Variants in ALK observed in about 807,000 individuals in gnomAD.
ALK encodes the protein ALK receptor tyrosine kinase, also known as ALK tyrosine kinase receptor.
Under a neutral mutation model 163.1 loss-of-function variants are expected in ALK, and 74 were observed. The observed-to-expected ratio is 0.45, with a 90% CI of 0.38 to 0.55. The LOEUF (loss-of-function observed/expected upper bound fraction) is 0.55. Among genes scored for constraint, ALK ranks in the 20% least tolerant of loss-of-function variants. The probability of loss-of-function intolerance (pLI) is 0.00; values close to 1 mark genes in which losing one functional copy is unlikely to be tolerated. For missense variants in ALK, 2,063 were observed against 2,105.3 expected (o/e 0.98, Z 0.39); for synonymous variants, 960 against 843.2 (o/e 1.14, Z -2.40).
intron 25 of ALK, among the ~76,000 whole-genome samples, chr2:29,207,639 G>T (rs1241174667): frequency 6.6e-6 from 1 of 152,202 alleles, no homozygotes; most frequent in Admixed American, 6.5e-5. Flanking sequence ...CTGCAGTAAT[G>T]CAAGATCCAA....
At chr2:29,660,832 T>C (rs17008432) in intron 3 of ALK, among the ~76,000 whole-genome samples, 1 of 152,092 alleles carries the variant, frequency 6.6e-6, no homozygotes, top group East Asian at 1.9e-4. Flanking sequence ...AACTTATGTC[T>C]CTTCCTGAAT....
At chr2:29,366,952 T>G (rs1354637380) in intron 5 of ALK, among the ~76,000 whole-genome samples, 1 of 152,150 alleles carries the variant, frequency 6.6e-6, no homozygotes, top group Admixed American at 6.5e-5. Flanking sequence ...TTCCAATTGG[T>G]CAGTTCTTTC....
At chr2:29,637,576 G>A (rs1032199006) in intron 3 of ALK, among the ~76,000 whole-genome samples, 3 of 152,020 alleles carry the variant, frequency 2.0e-5, no homozygotes, top group African/African-American at 7.3e-5. Flanking sequence ...GGGCGTGGTG[G>A]TATAGGCCTG....
chr2:29,203,962 A>G (rs1168372811), intron 26 of ALK, among the ~76,000 whole-genome samples: 5 of 151,626 alleles, frequency 3.3e-5, no homozygotes, highest in Admixed American at 2.0e-4. Flanking sequence ...CTTTTGGTCT[A>G]CCCCTTAATT....
At chr2:29,740,373 A>G (rs1337651741) in intron 1 of ALK, among the ~76,000 whole-genome samples, 2 of 151,824 alleles carry the variant, frequency 1.3e-5, no homozygotes, top group African/African-American at 4.9e-5. Flanking sequence ...ATGGACAGTC[A>G]GACACTGAGA....
At chr2:29,303,594 G>A (rs531964096) in intron 8 of ALK, among the ~76,000 whole-genome samples, 5 of 152,282 alleles carry the variant, frequency 3.3e-5, no homozygotes, top group South Asian at 2.1e-4. Flanking sequence ...CATGTTTACC[G>A]CAGCACGATT....
intron 5 of ALK, among the ~76,000 whole-genome samples, chr2:29,353,593 G>C (rs1175380856): frequency 8.5e-5 from 13 of 152,152 alleles, no homozygotes; most frequent in African/African-American, 3.1e-4. Context: ...GCTAAAGCCT[G>C]CTCCTGTCTG....
At chr2:29,777,415 T>C (rs9973358) in intron 1 of ALK, among the ~76,000 whole-genome samples, 8,011 of 152,044 alleles carry the variant, frequency 0.053, 469 homozygotes, top group African/African-American at 0.14. Flanking sequence ...GAGAAGTGAA[T>C]GTCAGAGAAG....
chr2:29,206,875 C>CTT lies in ALK; in HGVS notation c.3938+295_3938+296insAA, dbSNP rs10623528. Among the ~76,000 whole-genome samples, 61,231 of 151,756 alleles carry CTT rather than the reference C, an allele frequency of 0.4. 14,918 individuals carry two copies. The highest frequency in any genetic ancestry group is 0.8 in the East Asian group (4,134 of 5,172). The stretch of plus-strand genomic sequence containing the variant: ...TACATGTGGCTGTTAATGTGTGGTC[C>CTT]CAGCCAGCAATGGCAGCATCACTCT... On this transcript the variant is annotated intron_variant, in intron 26 of 28. Transcript: ENST00000389048.
chr2:29,569,389 A>G (rs1674288806), intron 3 of ALK, among the ~76,000 whole-genome samples: 1 of 152,148 alleles, frequency 6.6e-6, no homozygotes, highest in Non-Finnish European at 1.5e-5. Context: ...TCCCATCTGT[A>G]TCCCTAATAA....
chr2:29,811,172 G>A (rs1208711354), intron 1 of ALK, among the ~76,000 whole-genome samples: 1 of 152,142 alleles, frequency 6.6e-6, no homozygotes, highest in African/African-American at 2.4e-5. Context: ...ACAGTGCTGA[G>A]GTCGAAGGCC....
chr2:29,261,395 A>G (rs541644611), intron 11 of ALK, among the ~76,000 whole-genome samples: 1 of 152,280 alleles, frequency 6.6e-6, no homozygotes, highest in African/African-American at 2.4e-5. Flanking sequence ...GATTAAAAAA[A>G]AAAAACTATG....
chr2:29,228,928 C>G lies in ALK; in HGVS notation c.2771G>C (p.Gly924Ala). 6.7e-7 allele frequency: 1 copy of G among 1,498,210 alleles called. No individual in the cohort carries two copies. The highest frequency in any genetic ancestry group is 9.3e-7 in the Non-Finnish European group (1 of 1,077,504). 92.8% of individuals were successfully genotyped at this position (1,498,210 alleles called of 1,614,324 possible). The change falls in exon 16 of 29, where the codon GGT becomes GCT. Residue 924 changes from glycine (G) to alanine (A), a missense_variant. Gly to Ala is a moderately conservative substitution (Grantham distance 60). Transcript: ENST00000389048. ...TCCACCTGAGGAGCACCCCCCTCCA[C>G]CCCCTCCGAAACCCCCTCTTGTCTC... is the stretch of plus-strand genomic sequence containing the variant. ...GWETRGGFGG[G>A]GGGCSSGGGG...
chr2:29,373,124 G>A (rs1185425077), intron 5 of ALK, among the ~76,000 whole-genome samples: 2 of 152,132 alleles, frequency 1.3e-5, no homozygotes, highest in Non-Finnish European at 2.9e-5. Context: ...CACATTCAAA[G>A]GGAGTCCCAT....
At chr2:29,226,899 C>G in intron 18 of ALK, 23 bp downstream of exon 18, 1 of 1,613,882 alleles carries the variant, frequency 6.2e-7, no homozygotes, top group Non-Finnish European at 8.5e-7. Context: ...GCCCCTCTGC[C>G]TCCCCTGGCC....
At chr2:29,226,177 G>C (rs1183384396) in intron 18 of ALK, among the ~76,000 whole-genome samples, 1 of 152,112 alleles carries the variant, frequency 6.6e-6, no homozygotes, top group Non-Finnish European at 1.5e-5. Context: ...GTCTGAAGAA[G>C]AGTTAAAGGA....
intron 4 of ALK, among the ~76,000 whole-genome samples, chr2:29,386,977 G>T (rs144458744): frequency 6.6e-6 from 1 of 152,150 alleles, no homozygotes; most frequent in African/African-American, 2.4e-5. Context: ...TTGTCCCTTC[G>T]GCTGGTGGCA....
intron 3 of ALK, among the ~76,000 whole-genome samples, chr2:29,653,880 G>A (rs751397472): frequency 1.3e-5 from 2 of 152,058 alleles, no homozygotes; most frequent in African/African-American, 4.8e-5. Context: ...TGTCCAACAT[G>A]GCAAAACCCT....
At chr2:29,835,655 A>G (rs1331817841) in intron 1 of ALK, among the ~76,000 whole-genome samples, 1 of 152,218 alleles carries the variant, frequency 6.6e-6, no homozygotes, top group Admixed American at 6.5e-5. Context: ...GGTAGCTCGC[A>G]TAATTCCCAT....
Sources: allele counts gnomAD v4.1 joint callset (sites outside exome capture counted in the v4.1 genomes callset), GRCh38; gene constraint gnomAD v4.1.1; transcripts MANE v1.5; gene names NCBI Gene and HGNC (gene_info 2026-07-23, HGNC 2026-07-21).